SHISA6: variants seen among roughly 807,000 people sequenced by gnomAD.
SHISA6 encodes shisa family member 6.
Under a neutral mutation model 47.9 loss-of-function variants are expected in SHISA6, and 22 were observed. The observed-to-expected ratio is 0.46, with a 90% CI of 0.33 to 0.66. SHISA6 has a LOEUF of 0.66. SHISA6 is among the 30% of genes least tolerant of loss of function. The pLI, the probability that SHISA6 is intolerant of heterozygous loss-of-function variation, is 0.02. For synonymous variants in SHISA6, 388 were observed against 337.8 expected (o/e 1.15, Z -1.63); for missense variants, 680 against 764.6 (o/e 0.89, Z 1.30).
chr17:11,449,732 C>T (rs998412545), intron 3 of SHISA6, among the ~76,000 whole-genome samples: 6 of 152,198 alleles, frequency 3.9e-5, no homozygotes, highest in African/African-American at 1.4e-4. Flanking sequence ...AACCTCCACA[C>T]CTGGTTCCTT....
At chr17:11,309,056 C>G (rs1487189508) in intron 2 of SHISA6, among the ~76,000 whole-genome samples, 1 of 152,178 alleles carries the variant, frequency 6.6e-6, no homozygotes, top group Non-Finnish European at 1.5e-5. Context: ...CCCCAAACTC[C>G]TAGGCTCAAG....
chr17:11,273,378 G>T (rs1908754383), intron 2 of SHISA6, among the ~76,000 whole-genome samples: 1 of 152,202 alleles, frequency 6.6e-6, no homozygotes, highest in Non-Finnish European at 1.5e-5. Context: ...GGGCTGTGGG[G>T]AGGACACCAG....
intron 3 of SHISA6, among the ~76,000 whole-genome samples, chr17:11,434,041 GA>G (rs1217575811): frequency 6.6e-6 from 1 of 151,500 alleles, no homozygotes; most frequent in Non-Finnish European, 1.5e-5. Context: ...TCCTTGTTTG[GA>G]AACATTTTTT....
rs533353863 is a variant in SHISA6, at chr17:11,559,268, G to A, written c.*964G>A. The A allele has an allele frequency of 7.9e-5, 12 of 152,600 alleles. No homozygotes were observed. Among genetic ancestry groups the A allele is most frequent in the African/African-American group, 1.2e-4 (5 of 41,452 alleles). The allele number at this position is 152,600 out of a possible 1,614,324, so 9.5% of individuals were successfully genotyped here. A position where few individuals can be genotyped will look rare whatever the true frequency, so the allele number is the denominator to read the frequency against. ...TTCTCCACCCCTGCTCTGCTCCCAG[G>A]AGGCACCTGCGGTGGCCAGAGAGCC... On this transcript the variant is annotated 3_prime_UTR_variant, in exon 6 of 6. Coordinates refer to ENST00000441885, the MANE Select transcript of SHISA6 (RefSeq NM_207386.4). The surrounding 1 kb of genome is among the most constrained non-coding windows in gnomAD (Gnocchi z 4.4).
chr17:11,362,938 C>A (rs1409701820), intron 2 of SHISA6, among the ~76,000 whole-genome samples: 2 of 152,164 alleles, frequency 1.3e-5, no homozygotes, highest in African/African-American at 4.8e-5. Context: ...CCTTAAACTC[C>A]TTGTCAACTG....
At chr17:11,460,403 T>C (rs1228044230) in intron 3 of SHISA6, among the ~76,000 whole-genome samples, 1 of 152,202 alleles carries the variant, frequency 6.6e-6, no homozygotes, top group Non-Finnish European at 1.5e-5. Context: ...TGTTTGTTTG[T>C]TTTTTGAGAT....
chr17:11,386,038 G>A (rs1000339460), intron 3 of SHISA6, among the ~76,000 whole-genome samples: 11 of 152,106 alleles, frequency 7.2e-5, no homozygotes, highest in Non-Finnish European at 4.4e-5. Context: ...TGACGTCTGG[G>A]ATGTGCTCAT....
chr17:11,380,871 C>T (rs1912983447), intron 3 of SHISA6, among the ~76,000 whole-genome samples: 2 of 152,152 alleles, frequency 1.3e-5, no homozygotes, highest in Non-Finnish European at 2.9e-5. Flanking sequence ...GCTTCAGTTC[C>T]TCCCCGTGAC....
At chr17:11,251,593 C>T (rs1907810106) in intron 1 of SHISA6, among the ~76,000 whole-genome samples, 1 of 152,046 alleles carries the variant, frequency 6.6e-6, no homozygotes, top group Non-Finnish European at 1.5e-5. Flanking sequence ...ATGTAGAGCT[C>T]ACAAACAGCT....
At chr17:11,353,547 C>T (rs906995934) in intron 2 of SHISA6, among the ~76,000 whole-genome samples, 1 of 151,762 alleles carries the variant, frequency 6.6e-6, no homozygotes, top group African/African-American at 2.4e-5. Context: ...TCCCTTCAAC[C>T]AACAGATAAG....
At chr17:11,273,705 C>T (rs1308238972) in intron 2 of SHISA6, among the ~76,000 whole-genome samples, 1 of 152,124 alleles carries the variant, frequency 6.6e-6, no homozygotes, top group East Asian at 1.9e-4. Flanking sequence ...TAGGAGGCTA[C>T]AGCGACATGG....
At chr17:11,553,078 A>C (rs2071944852) in intron 4 of SHISA6, among the ~76,000 whole-genome samples, 1 of 152,224 alleles carries the variant, frequency 6.6e-6, no homozygotes, top group Non-Finnish European at 1.5e-5. Context: ...GAATCAGGAA[A>C]ACAGTCAGTA....
At chr17:11,497,901 A>G (rs974752036) in intron 3 of SHISA6, among the ~76,000 whole-genome samples, 20 of 152,332 alleles carry the variant, frequency 1.3e-4, no homozygotes, top group African/African-American at 4.6e-4. Flanking sequence ...GATTGACAGT[A>G]CAAGTCATGG....
intron 2 of SHISA6, among the ~76,000 whole-genome samples, chr17:11,332,343 G>A (rs1167898856): frequency 6.6e-6 from 1 of 152,082 alleles, no homozygotes; most frequent in South Asian, 2.1e-4. Flanking sequence ...CTGCTACCCT[G>A]CGTACCATAG....
At chr17:11,286,423 C>A (rs904083112) in intron 2 of SHISA6, among the ~76,000 whole-genome samples, 1 of 152,172 alleles carries the variant, frequency 6.6e-6, no homozygotes, top group African/African-American at 2.4e-5. Context: ...AATGCTACTT[C>A]CTCTGGGAAG....
At chr17:11,245,749 T>TG (rs59664791) in intron 1 of SHISA6, among the ~76,000 whole-genome samples, 97,731 of 110,426 alleles carry the variant, frequency 0.89, 43,151 homozygotes, top group Non-Finnish European at 0.97. Flanking sequence ...GTGGGCAGGG[T>TG]GGGGGGGGTG....
intron 1 of SHISA6, among the ~76,000 whole-genome samples, chr17:11,242,547 A>G (rs1380821659): frequency 6.6e-6 from 1 of 152,178 alleles, no homozygotes; most frequent in Non-Finnish European, 1.5e-5. Context: ...TTGGGGTTTT[A>G]TAGAAAGGAT....
Position 11,241,875 on chromosome 17 carries a change from A to G in SHISA6, c.453A>G (p.Val151=). 3 of 1,551,236 alleles carry G rather than the reference A, an allele frequency of 1.9e-6. No homozygotes were observed. The highest frequency in any genetic ancestry group is 2.0e-5 in the Admixed American group (1 of 51,010). The part of the protein sequence containing the change: ...QCTNYQSPVW[V]QTPSTKVVSP... Reference sequence around the variant, plus strand: ...CCAACTACCAGAGCCCGGTGTGGGTACAGACGCCCAGCACCAAGGTGGTGT... The same window carrying G: ...CCAACTACCAGAGCCCGGTGTGGGTGCAGACGCCCAGCACCAAGGTGGTGT... The change falls in exon 1 of 6, where the codon GTA becomes GTG. Residue 151 remains valine (V), a synonymous_variant. Transcript: ENST00000441885. This position sits in a 1 kb window ranked among gnomAD's most constrained non-coding sequence, Gnocchi z 5.5.
intron 2 of SHISA6, among the ~76,000 whole-genome samples, chr17:11,279,302 C>T (rs144113739): frequency 2.6e-5 from 4 of 152,238 alleles, no homozygotes; most frequent in Non-Finnish European, 5.9e-5. Flanking sequence ...TTGCTTTTCT[C>T]TACTTAAGAA....
Sources: allele counts gnomAD v4.1 joint callset (sites outside exome capture counted in the v4.1 genomes callset), GRCh38; gene constraint gnomAD v4.1.1; non-coding constraint Gnocchi (gnomAD v3.1); transcripts MANE v1.5; gene names NCBI Gene and HGNC (gene_info 2026-07-23, HGNC 2026-07-21).